DTD1: variants seen among roughly 807,000 people sequenced by gnomAD.
DTD1 encodes the protein D-tyrosyl-tRNA deacylase 1 homolog.
DTD1 carries 13 observed loss-of-function variants against 25.6 expected under a neutral mutation model. The observed-to-expected ratio is 0.51, with a 90% CI of 0.33 to 0.81. The LOEUF (loss-of-function observed/expected upper bound fraction) is 0.81. Among genes scored for constraint, DTD1 ranks in the 30% least tolerant of loss-of-function variants. The pLI is 0.02. For synonymous variants in DTD1, 110 were observed against 103.6 expected (o/e 1.06, Z -0.37); for missense variants, 193 against 266.4 (o/e 0.72, Z 1.92).
At chr20:18,610,526 A>T (rs2060682503) in intron 3 of DTD1, among the ~76,000 whole-genome samples, 1 of 152,278 alleles carries the variant, frequency 6.6e-6, no homozygotes, top group Admixed American at 6.5e-5. Context: ...AAAAATTGAC[A>T]TAAATTATAC....
At chr20:18,705,547 A>G (rs2061122873) in intron 4 of DTD1, among the ~76,000 whole-genome samples, 1 of 152,180 alleles carries the variant, frequency 6.6e-6, no homozygotes, top group African/African-American at 2.4e-5. Flanking sequence ...GGTAGCTGGT[A>G]GTGGTGGGTG....
chr20:18,713,079 C>T (rs570021797), intron 4 of DTD1, among the ~76,000 whole-genome samples: 7 of 152,368 alleles, frequency 4.6e-5, no homozygotes, highest in African/African-American at 1.2e-4. Context: ...GAGCTGTTCC[C>T]GGGGCTCACC....
intron 3 of DTD1, among the ~76,000 whole-genome samples, chr20:18,606,206 T>C (rs1600312853): frequency 6.7e-6 from 1 of 148,810 alleles, no homozygotes; most frequent in South Asian, 2.2e-4. Context: ...ATCAGAGAAA[T>C]GCAAATCAAA....
intron 4 of DTD1, among the ~76,000 whole-genome samples, chr20:18,710,750 G>T (rs1218256287): frequency 6.6e-6 from 1 of 152,192 alleles, no homozygotes; most frequent in Non-Finnish European, 1.5e-5. Flanking sequence ...ACAGTGGCCT[G>T]TGTTACCAAT....
chr20:18,674,287 AGAGGTAG>A (rs760911766), intron 4 of DTD1: 1 of 152,200 alleles, frequency 6.6e-6, no homozygotes, highest in African/African-American at 2.4e-5. Context: ...AAGCAGGAGA[AGAGGTAG>A]AGAGGGGAAT....
chr20:18,588,090 G>A lies in DTD1; in HGVS notation c.18G>A (p.Gln6=). 1.5e-6 allele frequency: 2 copies of A among 1,344,624 alleles called. No homozygotes were observed. The highest frequency in any genetic ancestry group is 1.9e-6 in the Non-Finnish European group (2 of 1,053,246). 83.3% of individuals were successfully genotyped at this position (1,344,624 alleles called of 1,614,324 possible). A position where few individuals can be genotyped will look rare whatever the true frequency, so the allele number is the denominator to read the frequency against. Residue 6 remains glutamine, a synonymous_variant, in exon 1 of 6, where the codon CAG becomes CAA. Coordinates refer to ENST00000377452, the MANE Select transcript of DTD1 (RefSeq NM_080820.6). ...CCGCCGCCATGAAGGCCGTGGTGCA[G>A]CGCGTCACCCGGGCCAGCGTCACAG... MKAVV[Q]RVTRASVTVG... is the part of the protein sequence containing the mutation.
intron 4 of DTD1, 89 bp downstream of exon 4, chr20:18,628,322 A>G: frequency 1.0e-6 from 1 of 986,540 alleles, no homozygotes; most frequent in Non-Finnish European, 1.5e-6. Flanking sequence ...CTGAGGAAAT[A>G]CATCATTGTT....
At chr20:18,608,723 A>G (rs1286123305) in intron 3 of DTD1, among the ~76,000 whole-genome samples, 2 of 152,228 alleles carry the variant, frequency 1.3e-5, no homozygotes, top group African/African-American at 4.8e-5. Flanking sequence ...CATGGCTGTC[A>G]TATTGGATAA....
At chr20:18,628,739 A>C (rs1345305940) in intron 4 of DTD1, among the ~76,000 whole-genome samples, 1 of 152,236 alleles carries the variant, frequency 6.6e-6, no homozygotes, top group African/African-American at 2.4e-5. Context: ...TAGAGAAAGG[A>C]AATGTGTAAT....
At chr20:18,734,115 G>A (rs1345979999) in intron 4 of DTD1, among the ~76,000 whole-genome samples, 1 of 152,178 alleles carries the variant, frequency 6.6e-6, no homozygotes, top group African/African-American at 2.4e-5. Flanking sequence ...GTAATGTACG[G>A]ATGTAGGTCT....
intron 4 of DTD1, chr20:18,698,317 A>G (rs1451568432): frequency 6.6e-6 from 1 of 152,244 alleles, no homozygotes; most frequent in African/African-American, 2.4e-5. Context: ...GTGGACACCC[A>G]GGATGGCAGC....
chr20:18,653,746 A>G (rs1170543467), intron 4 of DTD1, among the ~76,000 whole-genome samples: 1 of 152,260 alleles, frequency 6.6e-6, no homozygotes, highest in Admixed American at 6.5e-5. Context: ...TTGGAAATGT[A>G]TAATTCCAAA....
intron 4 of DTD1, chr20:18,632,076 A>G (rs2060790546): frequency 5.6e-6 from 5 of 900,334 alleles, no homozygotes; most frequent in Non-Finnish European, 6.6e-6. Context: ...GATGCTGGAC[A>G]TGTAATTTAC....
At chr20:18,698,833 G>C (rs2061090552) in intron 4 of DTD1, 1 of 152,170 alleles carries the variant, frequency 6.6e-6, no homozygotes, top group South Asian at 2.1e-4. Flanking sequence ...CATGAGTTCC[G>C]AGGCCCGAGC....
chr20:18,607,280 GCCT>G (rs1568643624), intron 3 of DTD1, among the ~76,000 whole-genome samples: 1 of 152,034 alleles, frequency 6.6e-6, no homozygotes, highest in Non-Finnish European at 1.5e-5. Flanking sequence ...TCATACCTCA[GCCT>G]CCTGAGTAGC....
At chr20:18,746,824 G>A (rs1044957999) in intron 5 of DTD1, among the ~76,000 whole-genome samples, 2 of 152,198 alleles carry the variant, frequency 1.3e-5, no homozygotes, top group African/African-American at 4.8e-5. Flanking sequence ...TTCATAGACA[G>A]TTTTAGGGGA....
chr20:18,654,980 A>G (rs75181586), intron 4 of DTD1, among the ~76,000 whole-genome samples: 3,547 of 152,302 alleles, frequency 0.023, 83 homozygotes, highest in African/African-American at 0.047. Flanking sequence ...TGATTCAGAA[A>G]ATTAATAAAT....
rs570041809 is a variant in DTD1 at position 18,727,384 on chromosome 20, G to A, written c.478-16716G>A. The stretch of plus-strand genomic sequence containing the variant: ...CTGAGGAGGGTTTAGAATTCCTGGA[G>A]GGTAAAGTGCAAGGCGAGAGGAAGT... On this transcript the variant is annotated intron_variant, in intron 4 of 5. Coordinates refer to ENST00000377452, the MANE Select transcript of DTD1 (RefSeq NM_080820.6). 3.2e-4 allele frequency among the ~76,000 whole-genome samples: 49 copies of A among 152,242 alleles called. 1 individual carries two copies. The highest frequency in any genetic ancestry group is 2.5e-3 in the Admixed American group (38 of 15,306).
At chr20:18,668,178 A>C (rs1267651905) in intron 4 of DTD1, among the ~76,000 whole-genome samples, 1 of 152,180 alleles carries the variant, frequency 6.6e-6, no homozygotes, top group Non-Finnish European at 1.5e-5. Flanking sequence ...AAGATACCAG[A>C]TGTCTGTAGT....
Sources: allele counts gnomAD v4.1 joint callset (sites outside exome capture counted in the v4.1 genomes callset), GRCh38; gene constraint gnomAD v4.1.1; transcripts MANE v1.5; gene names NCBI Gene and HGNC (gene_info 2026-07-23, HGNC 2026-07-21).